LURAP1L: variants seen among roughly 807,000 people sequenced by gnomAD.
The protein encoded by LURAP1L is leucine rich adaptor protein 1 like.
LURAP1L carries 12 observed loss-of-function variants against 13.8 expected under a neutral mutation model. That is an observed-to-expected ratio of 0.87 (90% CI 0.56 to 1.41). The LOEUF (loss-of-function observed/expected upper bound fraction) is 1.41. LURAP1L is among the 40% of genes most tolerant of loss of function. The pLI is 0.00. For missense variants in LURAP1L, 375 were observed against 292.9 expected (o/e 1.28, Z -2.04); for synonymous variants, 139 against 119.2 (o/e 1.17, Z -1.08).
chr9:12,780,879 TTTTG>T (rs1005259855), intron 1 of LURAP1L, among the ~76,000 whole-genome samples: 2 of 152,194 alleles, frequency 1.3e-5, no homozygotes, highest in African/African-American at 4.8e-5. Context: ...ACTTCTGACA[TTTTG>T]TTTGTTTGTT....
intron 1 of LURAP1L, among the ~76,000 whole-genome samples, chr9:12,806,619 A>G (rs1481679059): frequency 6.6e-6 from 1 of 152,192 alleles, no homozygotes; most frequent in African/African-American, 2.4e-5. Flanking sequence ...TAATTGTCTA[A>G]AACAATTTTA....
At position 12,822,144 on chromosome 9, in the gene LURAP1L, C is replaced by T. The variant is rs76978484; in HGVS notation, c.*384C>T. 4,395 of 171,414 alleles carry T rather than the reference C, an allele frequency of 0.026. 86 individuals carry two copies. Among genetic ancestry groups the T allele is most frequent in the Middle Eastern group, 0.04 (14 of 346 alleles). 10.6% of individuals were successfully genotyped at this position (171,414 alleles called of 1,614,324 possible). ...TGATAACAGTTAATGTTGCTGCTTG[C>T]GTCCTTAAATGACTTAAGGTTTCAT... is the stretch of plus-strand genomic sequence containing the variant. On this transcript the variant is annotated 3_prime_UTR_variant, in exon 2 of 2. Coordinates refer to ENST00000319264, the MANE Select transcript of LURAP1L (RefSeq NM_203403.2).
chr9:12,810,454 C>T (rs1819721481), intron 1 of LURAP1L, among the ~76,000 whole-genome samples: 1 of 152,068 alleles, frequency 6.6e-6, no homozygotes, highest in Admixed American at 6.6e-5. Context: ...TGTTGATTTC[C>T]AGTTTGTTCA....
intron 1 of LURAP1L, among the ~76,000 whole-genome samples, chr9:12,820,946 G>A (rs1819870393): frequency 6.6e-6 from 1 of 152,144 alleles, no homozygotes; most frequent in African/African-American, 2.4e-5. Flanking sequence ...TCCATAATCA[G>A]AGGCTTTTAG....
Position 12,821,801 on chromosome 9 carries a change from A to G in LURAP1L, c.*41A>G, listed in dbSNP as rs577358394. 6.4e-7 allele frequency: 1 copy of G among 1,562,452 alleles called. No individual in the cohort carries two copies. The highest frequency in any genetic ancestry group is 1.4e-5 in the African/African-American group (1 of 73,334). On this transcript the variant is annotated 3_prime_UTR_variant, in exon 2 of 2. Transcript: ENST00000319264. ...TGGGACTGGTGTGCAATGAACTTGT[A>G]TTTATCCTTCTTCTCCGCTGCTATA... is the stretch of plus-strand genomic sequence containing the variant.
At chr9:12,778,577 T>C (rs1586873015) in intron 1 of LURAP1L, among the ~76,000 whole-genome samples, 1 of 152,224 alleles carries the variant, frequency 6.6e-6, no homozygotes, top group African/African-American at 2.4e-5. Flanking sequence ...TTGGGACTGA[T>C]GAAGGCCTAG....
chr9:12,801,862 G>C (rs934728818), intron 1 of LURAP1L, among the ~76,000 whole-genome samples: 4 of 152,164 alleles, frequency 2.6e-5, no homozygotes, highest in Admixed American at 2.0e-4. Context: ...AGCCCTCTGA[G>C]TTTTTCTGGG....
chr9:12,775,116 T>C lies in LURAP1L; in HGVS notation c.-600T>C, dbSNP rs530103607. ...TGCTAAGCTAACTAGCTCTTTTTTATGGGTCCATGCACACGACCGAACTCC... is the reference window on the plus strand; with the variant it reads ...TGCTAAGCTAACTAGCTCTTTTTTACGGGTCCATGCACACGACCGAACTCC... On this transcript the variant is annotated 5_prime_UTR_variant, in exon 1 of 2. The change abolishes an upstream ATG in the 5' untranslated region. Transcript: ENST00000319264. 1.5e-4 allele frequency: 23 copies of C among 152,334 alleles called. No homozygotes were observed. The highest frequency in any genetic ancestry group is 5.5e-4 in the African/African-American group (23 of 41,562). 9.4% of individuals were successfully genotyped at this position (152,334 alleles called of 1,614,324 possible).
intron 1 of LURAP1L, among the ~76,000 whole-genome samples, chr9:12,791,399 T>C (rs1385833653): frequency 6.6e-6 from 1 of 152,036 alleles, no homozygotes; most frequent in Admixed American, 6.6e-5. Context: ...AAGGCATCCA[T>C]TTTACCACCT....
chr9:12,778,412 T>C (rs1462556683), intron 1 of LURAP1L, among the ~76,000 whole-genome samples: 2 of 152,162 alleles, frequency 1.3e-5, no homozygotes, highest in African/African-American at 4.8e-5. Flanking sequence ...AGCATCTCCA[T>C]TAAGGCATTT....
At chr9:12,811,143 G>A (rs1819730624) in intron 1 of LURAP1L, among the ~76,000 whole-genome samples, 1 of 152,004 alleles carries the variant, frequency 6.6e-6, no homozygotes, top group African/African-American at 2.4e-5. Context: ...TCCTACTGAG[G>A]CCAACTCAAA....
At position 12,821,627 on chromosome 9, in the gene LURAP1L, C is replaced by T. The variant is rs748565732; in HGVS notation, c.554C>T (p.Thr185Met). ...DGISVGSYLDTLADDVPGHQT... is the reference protein window; with the variant it reads ...DGISVGSYLDMLADDVPGHQT... ...ATTTCCGTGGGAAGTTATCTGGACA[C>T]GTTGGCGGATGATGTCCCAGGCCAT... is the stretch of plus-strand genomic sequence containing the variant. Residue 185 changes from threonine to methionine, a missense_variant, in exon 2 of 2, where the codon ACG becomes ATG. By Grantham distance (81) the Thr-to-Met change is moderately conservative. Transcript: ENST00000319264. 1.8e-5 allele frequency: 29 copies of T among 1,614,052 alleles called. No homozygotes were observed. Among genetic ancestry groups the T allele is most frequent in the Middle Eastern group, 3.3e-4 (2 of 6,084 alleles).
chr9:12,790,184 A>G (rs942900437), intron 1 of LURAP1L, among the ~76,000 whole-genome samples: 4 of 152,142 alleles, frequency 2.6e-5, no homozygotes, highest in Admixed American at 1.3e-4. Context: ...AATTCTCTAT[A>G]CATGACTTCA....
intron 1 of LURAP1L, among the ~76,000 whole-genome samples, chr9:12,776,748 T>C (rs781166319): frequency 1.3e-5 from 2 of 152,094 alleles, no homozygotes; most frequent in Non-Finnish European, 2.9e-5. Flanking sequence ...CCCTCAAGTC[T>C]CAATCTGCAG....
intron 1 of LURAP1L, among the ~76,000 whole-genome samples, chr9:12,802,278 T>A (rs775857755): frequency 1.3e-5 from 2 of 152,154 alleles, no homozygotes; most frequent in East Asian, 1.9e-4. Context: ...CCCACCCAAG[T>A]CTCATGTTCT....
chr9:12,792,717 C>T (rs1264551255), intron 1 of LURAP1L, among the ~76,000 whole-genome samples: 3 of 151,896 alleles, frequency 2.0e-5, no homozygotes, highest in Admixed American at 6.6e-5. Flanking sequence ...TAGTGAAATC[C>T]ACATATTAAA....
At chr9:12,808,313 T>G (rs1247875820) in intron 1 of LURAP1L, among the ~76,000 whole-genome samples, 1 of 152,142 alleles carries the variant, frequency 6.6e-6, no homozygotes, top group Non-Finnish European at 1.5e-5. Flanking sequence ...TAGTATTTAC[T>G]ACTTCACTTT....
chr9:12,805,579 C>T (rs1256063305), intron 1 of LURAP1L, among the ~76,000 whole-genome samples: 1 of 148,530 alleles, frequency 6.7e-6, no homozygotes, highest in Admixed American at 6.6e-5. Flanking sequence ...GACAAATAGA[C>T]ACACAAAAAA....
At chr9:12,792,303 T>C (rs979857987) in intron 1 of LURAP1L, among the ~76,000 whole-genome samples, 3 of 152,112 alleles carry the variant, frequency 2.0e-5, no homozygotes, top group Admixed American at 2.0e-4. Flanking sequence ...AAAGTGAGAA[T>C]GAAAGACACA....
Sources: allele counts gnomAD v4.1 joint callset (sites outside exome capture counted in the v4.1 genomes callset), GRCh38; gene constraint gnomAD v4.1.1; transcripts MANE v1.5; gene names NCBI Gene and HGNC (gene_info 2026-07-23, HGNC 2026-07-21).